ASXL2: variants seen among roughly 807,000 people sequenced by gnomAD.
ASXL2 encodes ASXL transcriptional regulator 2, also known as putative Polycomb group protein ASXL2.
In ASXL2, 23 loss-of-function variants were observed where a neutral mutation model predicts 122.0. The observed-to-expected ratio is 0.19, with a 90% CI of 0.14 to 0.27. ASXL2 has a LOEUF of 0.27. Ranked by LOEUF, ASXL2 falls within the 10% of genes least tolerant of loss-of-function variation. ASXL2 has a pLI of 1.00. For missense variants in ASXL2, 1,518 were observed against 1,713.8 expected, an observed-to-expected ratio of 0.89 and a Z score of 2.02; for synonymous variants, 650 against 637.0, an observed-to-expected ratio of 1.02 and a Z score of -0.31.
At position 25,784,256 on chromosome 2, in the gene ASXL2, TA is replaced by T. The variant is rs547251537; in HGVS notation, c.404-12717del. On this transcript the variant is annotated intron_variant, in intron 5 of 12. Transcript: ENST00000435504. ...ACAGAGTAAGACCCTGTCTCCCAAC[TA>T]AAAAAAGAAATTAAGAAAGTAGGTG... Among the ~76,000 whole-genome samples, 5 of 151,834 alleles carry T rather than the reference TA, an allele frequency of 3.3e-5. No homozygotes were observed. The South Asian group carries it at 8.3e-4, about 25-fold the overall frequency.
chr2:25,780,483 G>A (rs1355013260), intron 5 of ASXL2, among the ~76,000 whole-genome samples: 1 of 151,776 alleles, frequency 6.6e-6, no homozygotes, highest in Non-Finnish European at 1.5e-5. Flanking sequence ...TCTAAGATGT[G>A]GTACCCAGAA....
intron 3 of ASXL2, among the ~76,000 whole-genome samples, chr2:25,820,112 C>T (rs1480939620): frequency 6.6e-6 from 1 of 152,058 alleles, no homozygotes; most frequent in African/African-American, 2.4e-5. Flanking sequence ...GAGACGGGCT[C>T]GCTTTGTTGC....
In ASXL2 at chr2:25,754,380, C is replaced by T. The variant is rs577982241; in HGVS notation, c.1037-741G>A. On this transcript the variant is annotated intron_variant, in intron 10 of 12. Transcript: ENST00000435504. The stretch of plus-strand genomic sequence containing the variant: ...CTCTTTTATACTCTAATACCCAGGA[C>T]ATCAAGGAATAAGAGGTAGAAATGG... Among the ~76,000 whole-genome samples the T allele has an allele frequency of 1.4e-4, 21 of 152,226 alleles. No individual in the cohort carries two copies. The East Asian group carries it at 3.9e-3, about 28-fold the overall frequency.
intron 5 of ASXL2, among the ~76,000 whole-genome samples, chr2:25,775,233 T>C (rs2088526707): frequency 6.6e-6 from 1 of 152,184 alleles, no homozygotes; most frequent in Admixed American, 6.5e-5. Flanking sequence ...GTTCAAGTGA[T>C]TCTCCTGCCT....
chr2:25,762,331 A>T (rs1233953904), intron 8 of ASXL2, among the ~76,000 whole-genome samples: 1 of 151,194 alleles, frequency 6.6e-6, no homozygotes, highest in Non-Finnish European at 1.5e-5. Context: ...AAAAAAAAAA[A>T]ATCAGTAAAG....
Position 25,742,358 on chromosome 2 carries a change from A to G in ASXL2, c.3979T>C (p.Tyr1327His). 1 of 1,517,044 alleles carries G rather than the reference A, an allele frequency of 6.6e-7. No homozygotes were observed. The allele number at this position is 1,517,044 out of a possible 1,614,324, so 94.0% of individuals were successfully genotyped here. Reference sequence around the variant, plus strand: ...GTGGAGACATTGATCATGCCTCTATAGCTTGGCCCTATCTGGGTGGGGCTT... The same window carrying G: ...GTGGAGACATTGATCATGCCTCTATGGCTTGGCCCTATCTGGGTGGGGCTT... ...YGSPTQIGPS[Y>H]RGMINVSTSS... Residue 1327 changes from tyrosine to histidine, a missense_variant, in exon 13 of 13, where the codon TAT becomes CAT. Physicochemically the swap from Tyr to His is moderately conservative, Grantham distance 83. Transcript: ENST00000435504.
chr2:25,843,215 T>C (rs1403459771), intron 2 of ASXL2, among the ~76,000 whole-genome samples: 1 of 146,526 alleles, frequency 6.8e-6, no homozygotes, highest in African/African-American at 2.5e-5. Flanking sequence ...GGCAGGAGAA[T>C]GGGGTGAACC....
intron 1 of ASXL2, among the ~76,000 whole-genome samples, chr2:25,855,596 G>A (rs2089766856): frequency 6.6e-6 from 1 of 152,272 alleles, no homozygotes; most frequent in South Asian, 2.1e-4. Context: ...AACCCAGGAG[G>A]TGGAGGTTGC....
chr2:25,784,981 T>C (rs1486214003), intron 5 of ASXL2, among the ~76,000 whole-genome samples: 1 of 152,198 alleles, frequency 6.6e-6, no homozygotes, highest in Non-Finnish European at 1.5e-5. Flanking sequence ...AACACTGTCA[T>C]TCATTGAATA....
Position 25,753,612 on chromosome 2 carries a change from C to T in ASXL2, c.1064G>A (p.Arg355Lys), listed in dbSNP as rs774776226. Residue 355 changes from arginine (R) to lysine (K), a missense_variant, in exon 11 of 13, where the codon AGA (arginine) becomes AAA (lysine). This residue lies in a region of ASXL2 where 92 missense variants were observed against 156.6 expected (regional missense o/e 0.59). Transcript: ENST00000435504. ...CTCCTTCTCAATCTCTTGTCGAATT[C>T]TCACCTGCATCTCAGGTGTAAACTC... Reference protein sequence around the residue: ...EGEFTPEMQVRIRQEIEKEKK... With the variant: ...EGEFTPEMQVKIRQEIEKEKK... 2 of 1,613,638 alleles carry T rather than the reference C, an allele frequency of 1.2e-6. No homozygotes were observed. Among genetic ancestry groups the T allele is most frequent in the South Asian group, 1.1e-5 (1 of 91,060 alleles).
chr2:25,810,596 C>A (rs1409337390), intron 3 of ASXL2: 1 of 747,938 alleles, frequency 1.3e-6, no homozygotes, highest in Non-Finnish European at 2.3e-6. Context: ...GCATCATCTG[C>A]CTGCTGCTGC....
intron 1 of ASXL2, among the ~76,000 whole-genome samples, chr2:25,863,187 G>A (rs1423578499): frequency 1.3e-5 from 2 of 151,066 alleles, no homozygotes; most frequent in African/African-American, 2.4e-5. Context: ...AAAATTAGCC[G>A]GGCGTGGTGG....
intron 1 of ASXL2, among the ~76,000 whole-genome samples, chr2:25,854,898 T>C (rs2089758531): frequency 6.6e-6 from 1 of 152,082 alleles, no homozygotes; most frequent in Non-Finnish European, 1.5e-5. Context: ...CCAGTGTCTG[T>C]CTTGAGGAGC....
chr2:25,781,621 A>C (rs2088639320), intron 5 of ASXL2, among the ~76,000 whole-genome samples: 1 of 149,322 alleles, frequency 6.7e-6, no homozygotes, highest in Non-Finnish European at 1.5e-5. Flanking sequence ...CCTGGGCTCA[A>C]GGTATCCCCC....
intron 3 of ASXL2, among the ~76,000 whole-genome samples, chr2:25,825,776 C>T (rs992835777): frequency 1.3e-5 from 2 of 152,204 alleles, no homozygotes; most frequent in African/African-American, 4.8e-5. Context: ...TGTTAAGTCT[C>T]TGCTTTCGAT....
chr2:25,857,092 G>GA (rs1047365624), intron 1 of ASXL2: 4 of 114,352 alleles, frequency 3.5e-5, no homozygotes, highest in African/African-American at 9.8e-5. Context: ...GGGGGGGGCG[G>GA]GGGGGGGGAG....
intron 1 of ASXL2, among the ~76,000 whole-genome samples, chr2:25,871,532 G>T (rs1422030605): frequency 6.6e-6 from 1 of 152,142 alleles, no homozygotes; most frequent in Non-Finnish European, 1.5e-5. Context: ...AGGCTTGTGG[G>T]CTTTCAGGAT....
chr2:25,789,386 C>G (rs1183124111), intron 5 of ASXL2, among the ~76,000 whole-genome samples: 2 of 151,982 alleles, frequency 1.3e-5, no homozygotes, highest in Non-Finnish European at 2.9e-5. Context: ...AAAAATTTCT[C>G]TGGACATTAT....
chr2:25,774,965 A>G (rs546198165), intron 5 of ASXL2, among the ~76,000 whole-genome samples: 22 of 152,110 alleles, frequency 1.4e-4, no homozygotes, highest in African/African-American at 5.1e-4. Context: ...AATAACCTCT[A>G]TTTTGAAGAC....
Sources: allele counts gnomAD v4.1 joint callset (sites outside exome capture counted in the v4.1 genomes callset), GRCh38; gene constraint gnomAD v4.1.1; regional missense constraint gnomAD v4.1.1; transcripts MANE v1.5; gene names NCBI Gene and HGNC (gene_info 2026-07-23, HGNC 2026-07-21).